NLRP13: variants seen among roughly 807,000 people sequenced by gnomAD.
The protein encoded by NLRP13 is NACHT, LRR and PYD domains-containing protein 13.
A neutral mutation model predicts 94.4 loss-of-function variants in NLRP13; 82 were observed. The ratio of observed to expected loss-of-function variants is 0.87; its 90% confidence interval spans 0.73 to 1.04. The LOEUF is 1.04. Among genes scored for constraint, NLRP13 ranks in the 50% least tolerant of loss-of-function variants. The pLI, the probability that NLRP13 is intolerant of heterozygous loss-of-function variation, is 0.00. For synonymous variants in NLRP13, 553 were observed against 464.7 expected (o/e 1.19, Z -2.45); for missense variants, 1,426 against 1,230.8 (o/e 1.16, Z -2.37).
At chr19:55,924,016 C>T in intron 3 of NLRP13, 37 bp from the exon 4 acceptor site, 1 of 1,543,882 alleles carries the variant, frequency 6.5e-7, no homozygotes, top group Non-Finnish European at 9.0e-7. Context: ...TGAAAATACC[C>T]CAGACTGAAA....
chr19:55,892,102 T>G (rs529676701), downstream of NLRP13: 89 of 1,232,012 alleles, frequency 7.2e-5, no homozygotes, highest in Middle Eastern at 9.4e-4. Context: ...CTCACTACAT[T>G]GTGCAGGTCT....
intron 9 of NLRP13, among the ~76,000 whole-genome samples, chr19:55,900,921 C>G (rs56871433): frequency 0.055 from 8,379 of 152,180 alleles, 276 homozygotes; most frequent in African/African-American, 0.083. Context: ...ATATGCTCTT[C>G]TCTCTAAAGT....
At chr19:55,928,725 T>C (rs1371789974) in intron 1 of NLRP13, among the ~76,000 whole-genome samples, 1 of 152,134 alleles carries the variant, frequency 6.6e-6, no homozygotes, top group African/African-American at 2.4e-5. Flanking sequence ...TTTCAATCTC[T>C]GATATCCTTT....
chr19:55,911,647 T>C, intron 5 of NLRP13, 59 bp downstream of exon 5: 1 of 1,469,900 alleles, frequency 6.8e-7, no homozygotes, highest in African/African-American at 1.4e-5. Flanking sequence ...ATGAAAGAAT[T>C]TGCACAGAGC....
intron 9 of NLRP13, among the ~76,000 whole-genome samples, chr19:55,900,219 AG>A (rs1349657281): frequency 6.8e-6 from 1 of 148,072 alleles, no homozygotes; most frequent in Non-Finnish European, 1.5e-5. Context: ...ACAAGTGACG[AG>A]GGGAAAAACA....
rs142504745 is a variant in NLRP13 at position 55,898,814 on chromosome 19, T to C, written c.2913A>G (p.Leu971=). ...ENDLQDDGVK[L]LCEALKPHRA... ...GATGTGGTTTCAGAGCCTCACACAG[T>C]AGCTTCACTCCATCATCCTGAAGAT... is the stretch of plus-strand genomic sequence containing the variant. Residue 971 remains leucine (L), a synonymous_variant, in exon 10 of 11, where the codon CTA becomes CTG. Coordinates refer to ENST00000342929, the MANE Select transcript of NLRP13 (RefSeq NM_176810.2). The C allele has an allele frequency of 6.2e-7, 1 of 1,613,594 alleles. No individual in the cohort carries two copies. The highest frequency in any genetic ancestry group is 8.5e-7 in the Non-Finnish European group (1 of 1,179,842).
At position 55,908,063 on chromosome 19, in the gene NLRP13, T is replaced by A; in HGVS notation, c.2283-107A>T. 3.1e-6 allele frequency: 3 copies of A among 958,080 alleles called. No individual in the cohort carries two copies. In the East Asian group the frequency reaches 7.5e-5, roughly 24 times the overall value. 59.3% of individuals were successfully genotyped at this position (958,080 alleles called of 1,614,324 possible). On this transcript the variant is annotated intron_variant, in intron 6 of 10. Transcript: ENST00000342929. Reference sequence around the variant, plus strand: ...TCTACTACACTCACTGCCAAGGTTATACACGGTACACAAGGAATTAAAAAC... The same window carrying A: ...TCTACTACACTCACTGCCAAGGTTAAACACGGTACACAAGGAATTAAAAAC...
In NLRP13 at chr19:55,932,122, C is replaced by G; in HGVS notation, c.190G>C (p.Asp64His). ...AAAAGAAAGGACAGATTCAAAGGGT[C>G]GGCAGCTCTCAAGTTTGCCCAGGGG... ...RIPWANLRAA[D>H]PLNLSFLLDE... Residue 64 changes from aspartate to histidine, a missense_variant, in exon 1 of 11, where the codon GAC becomes CAC. Transcript: ENST00000342929. The G allele has an allele frequency of 6.2e-7, 1 of 1,614,140 alleles. No homozygotes were observed. The highest frequency in any genetic ancestry group is 8.5e-7 in the Non-Finnish European group (1 of 1,180,024).
intron 9 of NLRP13, among the ~76,000 whole-genome samples, chr19:55,901,749 C>G (rs1365107537): frequency 2.0e-5 from 3 of 152,130 alleles, no homozygotes; most frequent in African/African-American, 7.2e-5. Context: ...TGCCTTGTGT[C>G]CTTTCACCCT....
At chr19:55,895,211 AAGAAAGAAAAG>A (rs1985972962), downstream of NLRP13, among the ~76,000 whole-genome samples, 1 of 148,504 alleles carries the variant, frequency 6.7e-6, no homozygotes, top group Admixed American at 6.7e-5. Context: ...AAAAAAAAAA[AAGAAAGAAAAG>A]AAAAAGAAAA....
Position 55,912,634 on chromosome 19 carries a change from A to T in NLRP13, c.1183T>A (p.Phe395Ile). The T allele has an allele frequency of 6.2e-7, 1 of 1,614,208 alleles. No homozygotes were observed. The highest frequency in any genetic ancestry group is 8.5e-7 in the Non-Finnish European group (1 of 1,180,032). ...CTTGAGTCATCAAAGTGTCTCATGA[A>T]ATATACCCGTAGGTCGTCCCCTGTG... ...GFTGDDLRVY[F>I]MRHFDDSSEV... The change falls in exon 5 of 11, where the codon TTC (phenylalanine) becomes ATC (isoleucine). Residue 395 changes from phenylalanine to isoleucine, a missense_variant. Coordinates refer to ENST00000342929, the MANE Select transcript of NLRP13 (RefSeq NM_176810.2).
downstream of NLRP13, among the ~76,000 whole-genome samples, chr19:55,893,633 C>A (rs1364845458): frequency 1.3e-5 from 2 of 152,108 alleles, no homozygotes; most frequent in Non-Finnish European, 2.9e-5. Flanking sequence ...GATGAGAAAA[C>A]CATGGCGCAG....
intron 7 of NLRP13, among the ~76,000 whole-genome samples, chr19:55,905,923 C>T (rs1038268493): frequency 1.9e-4 from 29 of 152,102 alleles, no homozygotes; most frequent in Non-Finnish European, 8.8e-5. Context: ...CAGTTGAAAA[C>T]CCCTGGATTT....
intron 4 of NLRP13, among the ~76,000 whole-genome samples, chr19:55,917,610 G>A (rs1390525269): frequency 6.6e-6 from 1 of 151,694 alleles, no homozygotes; most frequent in Non-Finnish European, 1.5e-5. Context: ...TTCACAAAAA[G>A]CAAACTGGAG....
Position 55,932,126 on chromosome 19 carries a change from A to T in NLRP13, c.186T>A (p.Ala62=), listed in dbSNP as rs763879258. ...FPRIPWANLR[A]ADPLNLSFLL... is the part of the protein sequence containing the mutation. ...GAAAGGACAGATTCAAAGGGTCGGC[A>T]GCTCTCAAGTTTGCCCAGGGGATAC... Residue 62 remains alanine, a synonymous_variant, in exon 1 of 11, where the codon GCT becomes GCA. Transcript: ENST00000342929. The T allele has an allele frequency of 3.1e-6, 5 of 1,614,200 alleles. No individual in the cohort carries two copies. The highest frequency in any genetic ancestry group is 4.2e-6 in the Non-Finnish European group (5 of 1,180,038).
At position 55,912,917 on chromosome 19, in the gene NLRP13, C is replaced by T; in HGVS notation, c.900G>A (p.Met300Ile). The change falls in exon 5 of 11, where the codon ATG (methionine) becomes ATA (isoleucine). Residue 300 changes from methionine to isoleucine, a missense_variant. Physicochemically the swap from Met to Ile is conservative, Grantham distance 10 (BLOSUM62 1). Coordinates refer to ENST00000342929, the MANE Select transcript of NLRP13 (RefSeq NM_176810.2). ...TAAACAGGAGCTTCTCTGGTTGAGA[C>T]ATGAACTCTTCAATGGGGGCATCAA... ...PDFDAPIEEF[M>I]SQPEKLLFII... The T allele has an allele frequency of 2.5e-6, 4 of 1,614,154 alleles. No individual in the cohort carries two copies. Among genetic ancestry groups the T allele is most frequent in the Non-Finnish European group, 2.5e-6 (3 of 1,179,998 alleles).
At chr19:55,899,310 C>T (rs576746107) in intron 9 of NLRP13, among the ~76,000 whole-genome samples, 69 of 152,262 alleles carry the variant, frequency 4.5e-4, no homozygotes, top group African/African-American at 1.5e-3. Flanking sequence ...TCTCCCATAA[C>T]GGCAGGTCTG....
chr19:55,905,288 TC>T (rs991133747), intron 7 of NLRP13, among the ~76,000 whole-genome samples, 176 bp from the exon 8 acceptor site: 1 of 151,616 alleles, frequency 6.6e-6, no homozygotes, highest in African/African-American at 2.4e-5. Flanking sequence ...ACGCCTGTAA[TC>T]CCAGCAGTTT....
intron 9 of NLRP13, among the ~76,000 whole-genome samples, chr19:55,899,644 G>C (rs753127088): frequency 2.0e-5 from 3 of 152,178 alleles, no homozygotes; most frequent in Non-Finnish European, 4.4e-5. Context: ...TCCAGGCGTG[G>C]TGGCGGGTGC....
Sources: gnomAD v4.1 joint callset for allele counts (sites outside exome capture counted in the v4.1 genomes callset) on GRCh38, gnomAD v4.1.1 for gene constraint, MANE v1.5 for transcripts, NCBI Gene and HGNC (gene_info 2026-07-23, HGNC 2026-07-21) for gene names.